SDK1: variants seen among roughly 807,000 people sequenced by gnomAD.
The protein encoded by SDK1 is protein sidekick-1.
In SDK1, 157 loss-of-function variants were observed where a neutral mutation model predicts 245.5. The ratio of observed to expected loss-of-function variants is 0.64; its 90% CI spans 0.56 to 0.73. SDK1 has a LOEUF of 0.73. Ranked by LOEUF, SDK1 falls within the 30% of genes least tolerant of loss-of-function variation. SDK1 has a pLI of 0.00. For synonymous variants in SDK1, 1,647 were observed against 1,278.5 expected, an observed-to-expected ratio of 1.29 and a Z score of -6.15; for missense variants, 3,583 against 3,002.3, an observed-to-expected ratio of 1.19 and a Z score of -4.52.
chr7:3,861,563 T>C (rs1780692985), intron 5 of SDK1, among the ~76,000 whole-genome samples: 2 of 152,318 alleles, frequency 1.3e-5, no homozygotes, highest in South Asian at 4.1e-4. Context: ...AAAGCACGAC[T>C]CATTTCCATA....
intron 13 of SDK1, among the ~76,000 whole-genome samples, chr7:3,982,764 C>G (rs1188294724): frequency 6.6e-6 from 1 of 151,588 alleles, no homozygotes; most frequent in Admixed American, 6.6e-5. Flanking sequence ...GGCATGAACC[C>G]AGGAGGCGGA....
At chr7:4,193,354 T>TTA (rs1288431754) in intron 35 of SDK1, among the ~76,000 whole-genome samples, 1 of 106,640 alleles carries the variant, frequency 9.4e-6, no homozygotes, top group African/African-American at 3.9e-5. Context: ...TATAATATAT[T>TTA]TATATATATT....
intron 4 of SDK1, among the ~76,000 whole-genome samples, chr7:3,725,780 C>G (rs1454026325): frequency 6.6e-6 from 1 of 152,172 alleles, no homozygotes; most frequent in African/African-American, 2.4e-5. Flanking sequence ...GTACTGTCGT[C>G]TTCTCTTTTA....
intron 18 of SDK1, 50 bp downstream of exon 18, chr7:4,049,513 C>A: frequency 7.1e-7 from 1 of 1,412,742 alleles, no homozygotes; most frequent in Non-Finnish European, 1.0e-6. Flanking sequence ...TGTCTGGAGC[C>A]ACAGCGCGAC....
chr7:3,883,546 G>T (rs891765289), intron 5 of SDK1, among the ~76,000 whole-genome samples: 2 of 152,140 alleles, frequency 1.3e-5, no homozygotes, highest in African/African-American at 4.8e-5. Flanking sequence ...AGTAACCAGG[G>T]CACATGGGGA....
chr7:3,587,300 C>CGT (rs10523052), intron 1 of SDK1, among the ~76,000 whole-genome samples: 3,020 of 149,130 alleles, frequency 0.02, 54 homozygotes, highest in East Asian at 0.037. Context: ...AGAAACAGAA[C>CGT]GTGTGTGTGT....
chr7:3,353,882 C>T (rs181812251), intron 1 of SDK1, among the ~76,000 whole-genome samples: 6 of 101,338 alleles, frequency 5.9e-5, no homozygotes, highest in Non-Finnish European at 5.9e-5. Context: ...TACGTCTTCA[C>T]GTCCTCCTCA....
intron 35 of SDK1, among the ~76,000 whole-genome samples, chr7:4,194,795 G>C (rs2128223831): frequency 6.6e-6 from 1 of 152,182 alleles, no homozygotes; most frequent in South Asian, 2.1e-4. Flanking sequence ...AATCTCTTTT[G>C]GCAACACCCT....
At chr7:4,070,148 C>T (rs750116757) in intron 20 of SDK1, among the ~76,000 whole-genome samples, 8 of 152,228 alleles carry the variant, frequency 5.3e-5, no homozygotes, top group Non-Finnish European at 8.8e-5. Context: ...GTAAAAAATA[C>T]TACACAGTAG....
At chr7:3,561,281 C>T (rs1270334382) in intron 1 of SDK1, among the ~76,000 whole-genome samples, 1 of 152,218 alleles carries the variant, frequency 6.6e-6, no homozygotes, top group East Asian at 1.9e-4. Flanking sequence ...AAAAGACTGC[C>T]TCTTGGCTTT....
intron 1 of SDK1, among the ~76,000 whole-genome samples, chr7:3,417,675 T>C (rs1334001586): frequency 2.0e-5 from 3 of 152,234 alleles, no homozygotes; most frequent in South Asian, 2.1e-4. Flanking sequence ...GTTGCCTTTC[T>C]AGATTTTCTA....
intron 5 of SDK1, among the ~76,000 whole-genome samples, chr7:3,868,008 A>G (rs1259654813): frequency 6.6e-6 from 1 of 151,978 alleles, no homozygotes; most frequent in East Asian, 1.9e-4. Context: ...GAAAAACCCT[A>G]TTTCATAACT....
intron 1 of SDK1, among the ~76,000 whole-genome samples, chr7:3,344,544 C>G (rs1010103420): frequency 2.6e-5 from 4 of 152,146 alleles, no homozygotes; most frequent in Non-Finnish European, 5.9e-5. Context: ...CAGTTTATTT[C>G]CAGGCTGAAT....
chr7:3,418,642 C>T (rs1313220033), intron 1 of SDK1, among the ~76,000 whole-genome samples: 2 of 152,148 alleles, frequency 1.3e-5, no homozygotes, highest in African/African-American at 2.4e-5. Flanking sequence ...ATGGAACTGG[C>T]CTTGTGAAGG....
chr7:3,696,882 C>CCT (rs1583317348), intron 4 of SDK1, among the ~76,000 whole-genome samples: 1 of 151,406 alleles, frequency 6.6e-6, no homozygotes, highest in Non-Finnish European at 1.5e-5. Flanking sequence ...AGATAGGAGA[C>CCT]CTCTGATATT....
At chr7:3,491,033 T>G (rs1310085851) in intron 1 of SDK1, among the ~76,000 whole-genome samples, 4 of 152,256 alleles carry the variant, frequency 2.6e-5, no homozygotes, top group Admixed American at 6.5e-5. Flanking sequence ...TGTGCACATT[T>G]ACTCTAGTCT....
intron 4 of SDK1, among the ~76,000 whole-genome samples, chr7:3,748,145 T>C (rs1184392768): frequency 1.3e-5 from 2 of 152,152 alleles, no homozygotes; most frequent in South Asian, 2.1e-4. Context: ...TGCTATAATA[T>C]TAAACGTTGA....
rs1175865544 is a variant in SDK1 at position 3,821,447 on chromosome 7, C to A, written c.714-3C>A. ...GACACTGTCCTCTTCTTTTCTGAAA[C>A]AGAGCCATCACATTGGAGAATCAGC... On this transcript the variant is annotated splice_region_variant and splice_polypyrimidine_tract_variant and intron_variant, in intron 4 of 44. Transcript: ENST00000404826. 1 of 1,611,892 alleles carries A rather than the reference C, an allele frequency of 6.2e-7. No individual in the cohort carries two copies. Among genetic ancestry groups the A allele is most frequent in the African/African-American group, 1.3e-5 (1 of 74,756 alleles).
At chr7:3,830,147 C>T (rs1779878880) in intron 5 of SDK1, among the ~76,000 whole-genome samples, 1 of 152,236 alleles carries the variant, frequency 6.6e-6, no homozygotes, top group East Asian at 1.9e-4. Context: ...GCAGATTTTG[C>T]ACAGTGAGTA....
Sources: allele counts gnomAD v4.1 joint callset (sites outside exome capture counted in the v4.1 genomes callset), GRCh38; gene constraint gnomAD v4.1.1; transcripts MANE v1.5; gene names NCBI Gene and HGNC (gene_info 2026-07-23, HGNC 2026-07-21).